SLC35F4: variants seen among roughly 807,000 people sequenced by gnomAD.
SLC35F4 encodes solute carrier family 35 member F4.
SLC35F4 carries 24 observed loss-of-function variants against 44.2 expected under a neutral mutation model. The ratio of observed to expected loss-of-function variants is 0.54; its 90% CI spans 0.39 to 0.76. The LOEUF (loss-of-function observed/expected upper bound fraction) is 0.76, where lower values mean the gene tolerates loss of function less well. Among genes scored for constraint, SLC35F4 ranks in the 30% least tolerant of loss-of-function variants. The pLI, the probability that SLC35F4 is intolerant of heterozygous loss-of-function variation, is 0.00. For missense variants in SLC35F4, 562 were observed against 586.1 expected, an observed-to-expected ratio of 0.96 and a Z score of 0.42; for synonymous variants, 238 against 223.6, an observed-to-expected ratio of 1.06 and a Z score of -0.57.
intron 1 of SLC35F4, among the ~76,000 whole-genome samples, chr14:57,930,393 T>C (rs1889674647): frequency 6.6e-6 from 1 of 152,166 alleles, no homozygotes; most frequent in African/African-American, 2.4e-5. Flanking sequence ...CAGTGTTCCA[T>C]TAACCTCTTA....
chr14:57,855,292 C>A, intron 1 of SLC35F4, among the ~76,000 whole-genome samples: 1 of 151,876 alleles, frequency 6.6e-6, no homozygotes, highest in African/African-American at 2.4e-5. Context: ...ATCCACCTGA[C>A]AAAGGACTAA....
chr14:57,571,941 C>G lies in SLC35F4; in HGVS notation c.886G>C (p.Gly296Arg), dbSNP rs1397089147. ...GCTGAGCCCACCGCAAATGCCACTC[C>G]TATGATGGAATCAGCGTGGAAATTA... ...ADNFHADSII[G>R]VAFAVGSAST... The change falls in exon 5 of 8, where the codon GGA becomes CGA. Residue 296 changes from glycine to arginine, a missense_variant. Physicochemically the swap from Gly to Arg is moderately radical, Grantham distance 125 (BLOSUM62 -2). Transcript: ENST00000556826. 1 of 1,612,732 alleles carries G rather than the reference C, an allele frequency of 6.2e-7. No individual in the cohort carries two copies. The highest frequency in any genetic ancestry group is 1.7e-5 in the Admixed American group (1 of 59,884).
rs534166854 is a variant in SLC35F4, at chr14:57,589,406, A to T, written c.397T>A (p.Leu133Met). The T allele has an allele frequency of 4.2e-5, 67 of 1,614,044 alleles. No homozygotes were observed. In the South Asian group the frequency reaches 7.0e-4, roughly 17 times the overall value. ...SMVLKGIWGLLIILSVSSSWV... is the reference protein window; with the variant it reads ...SMVLKGIWGLMIILSVSSSWV... Reference sequence around the variant, plus strand: ...GATGATGATACTGACAAGATGATCAAGAGTCCCCAGATGCCCTTCAGAACC... The same window carrying T: ...GATGATGATACTGACAAGATGATCATGAGTCCCCAGATGCCCTTCAGAACC... The change falls in exon 3 of 8, where the codon TTG becomes ATG. Residue 133 changes from leucine to methionine, a missense_variant. Physicochemically the swap from Leu to Met is conservative, Grantham distance 15. Coordinates refer to ENST00000556826, the MANE Select transcript of SLC35F4 (RefSeq NM_001306087.2).
intron 1 of SLC35F4, among the ~76,000 whole-genome samples, chr14:57,883,188 G>A (rs1888576975): frequency 2.0e-5 from 3 of 152,170 alleles, no homozygotes; most frequent in South Asian, 4.1e-4. Flanking sequence ...AACCCCCCAT[G>A]TGACTACAGA....
intron 1 of SLC35F4, among the ~76,000 whole-genome samples, chr14:57,765,654 T>C (rs866904060): frequency 2.6e-5 from 4 of 152,226 alleles, no homozygotes; most frequent in Non-Finnish European, 2.9e-5. Flanking sequence ...TCAGATTATC[T>C]CATTTTACAA....
chr14:57,594,896 G>A (rs1174566743), intron 1 of SLC35F4, among the ~76,000 whole-genome samples: 1 of 152,160 alleles, frequency 6.6e-6, no homozygotes, highest in Non-Finnish European at 1.5e-5. Context: ...AGCCTCATGG[G>A]TCTGCAGCCA....
chr14:57,639,133 T>A (rs1032737872), intron 1 of SLC35F4, among the ~76,000 whole-genome samples: 2 of 152,098 alleles, frequency 1.3e-5, no homozygotes, highest in African/African-American at 4.8e-5. Flanking sequence ...AATCAGCTAA[T>A]ATCACTGGTT....
chr14:57,689,772 G>T (rs1041581497), intron 1 of SLC35F4, among the ~76,000 whole-genome samples: 6 of 151,538 alleles, frequency 4.0e-5, no homozygotes, highest in African/African-American at 9.7e-5. Flanking sequence ...AGCATTAGGA[G>T]ATATATCTAA....
rs561540260 is a variant in SLC35F4 at position 57,687,720 on chromosome 14, G to T, written c.104-93596C>A. On this transcript the variant is annotated intron_variant, in intron 1 of 7. Coordinates refer to ENST00000556826, the MANE Select transcript of SLC35F4 (RefSeq NM_001306087.2). ...CAGGTGCTGCTTTTCAATCCCTTGTGGTTTACCTCCTTTACTGGCCTTACC... is the reference window on the plus strand; with the variant it reads ...CAGGTGCTGCTTTTCAATCCCTTGTTGTTTACCTCCTTTACTGGCCTTACC... Among the ~76,000 whole-genome samples the T allele has an allele frequency of 1.6e-4, 25 of 152,150 alleles. No individual in the cohort carries two copies. In the South Asian group the frequency reaches 5.0e-3, roughly 30 times the overall value.
chr14:57,801,154 C>T (rs939022361), intron 1 of SLC35F4, among the ~76,000 whole-genome samples: 3 of 152,182 alleles, frequency 2.0e-5, no homozygotes, highest in Admixed American at 1.3e-4. Context: ...CCCCATCACA[C>T]TAACAGTGAA....
At chr14:57,593,303 C>T (rs1191342132) in intron 2 of SLC35F4, among the ~76,000 whole-genome samples, 2 of 152,178 alleles carry the variant, frequency 1.3e-5, no homozygotes, top group African/African-American at 4.8e-5. Flanking sequence ...GTGGACCCAG[C>T]TGCATTTAAA....
intron 1 of SLC35F4, among the ~76,000 whole-genome samples, chr14:57,896,842 T>C (rs759047543): frequency 1.3e-5 from 2 of 151,526 alleles, no homozygotes; most frequent in East Asian, 1.9e-4. Context: ...TTAAATTACA[T>C]AATGTATGTA....
At chr14:57,573,824 G>A (rs943776288) in intron 4 of SLC35F4, among the ~76,000 whole-genome samples, 1 of 152,140 alleles carries the variant, frequency 6.6e-6, no homozygotes, top group Non-Finnish European at 1.5e-5. Context: ...CTGAACTGAC[G>A]GGATAATACA....
At chr14:57,649,031 T>G (rs1430791145) in intron 1 of SLC35F4, among the ~76,000 whole-genome samples, 1 of 152,216 alleles carries the variant, frequency 6.6e-6, no homozygotes, top group Non-Finnish European at 1.5e-5. Flanking sequence ...CCTACCTATT[T>G]CTCATCATCT....
chr14:57,711,410 C>T lies in SLC35F4; in HGVS notation c.104-117286G>A, dbSNP rs1385127502. 5.9e-5 allele frequency among the ~76,000 whole-genome samples: 9 copies of T among 152,122 alleles called. No individual in the cohort carries two copies. The East Asian group carries it at 1.7e-3, about 29-fold the overall frequency. On this transcript the variant is annotated intron_variant, in intron 1 of 7. Transcript: ENST00000556826. ...GAGAATGGACTGATACACATGGGAA[C>T]ACTACCCATCAGGTTTAGAAGTAAA...
At chr14:57,752,461 CTTT>C (rs960014911) in intron 1 of SLC35F4, among the ~76,000 whole-genome samples, 1 of 148,480 alleles carries the variant, frequency 6.7e-6, no homozygotes, top group Non-Finnish European at 1.5e-5. Flanking sequence ...TTTTTTTTTT[CTTT>C]TTTTTCTTTT....
intron 1 of SLC35F4, among the ~76,000 whole-genome samples, chr14:57,676,963 CAT>C (rs1281054387): frequency 6.6e-5 from 10 of 152,206 alleles, no homozygotes; most frequent in South Asian, 6.2e-4. Context: ...CTTGCACACA[CAT>C]GTTTATAGCA....
intron 1 of SLC35F4, among the ~76,000 whole-genome samples, chr14:57,899,682 G>C (rs1221867428): frequency 2.6e-5 from 4 of 152,178 alleles, no homozygotes; most frequent in Admixed American, 2.0e-4. Context: ...AAAGCTGTTT[G>C]CTGAGGTTTC....
chr14:57,933,568 C>G (rs1414537175), intron 1 of SLC35F4, among the ~76,000 whole-genome samples: 1 of 152,184 alleles, frequency 6.6e-6, no homozygotes, highest in Non-Finnish European at 1.5e-5. Flanking sequence ...TACCAGTCAG[C>G]TGAGTGGCTG....
Sources: gnomAD v4.1 joint callset for allele counts (sites outside exome capture counted in the v4.1 genomes callset) on GRCh38, gnomAD v4.1.1 for gene constraint, MANE v1.5 for transcripts, NCBI Gene and HGNC (gene_info 2026-07-23, HGNC 2026-07-21) for gene names.